FMNL2: variants seen among roughly 807,000 people sequenced by gnomAD.
The protein encoded by FMNL2 is formin like 2.
A neutral mutation model predicts 130.2 loss-of-function variants in FMNL2; 51 were observed. That is an observed-to-expected ratio of 0.39 (90% confidence interval 0.31 to 0.49). The LOEUF (loss-of-function observed/expected upper bound fraction) is 0.49, where lower values mean the gene tolerates loss of function less well. Among genes scored for constraint, FMNL2 ranks in the 20% least tolerant of loss-of-function variants. FMNL2 has a pLI of 0.85. For missense variants in FMNL2, 977 were observed against 1,316.2 expected, an observed-to-expected ratio of 0.74 and a Z score of 3.99; for synonymous variants, 465 against 467.1, an observed-to-expected ratio of 1.00 and a Z score of 0.06.
chr2:152,558,948 G>T, intron 5 of FMNL2, 125 bp downstream of exon 5: 1 of 797,812 alleles, frequency 1.3e-6, no homozygotes, highest in Non-Finnish European at 1.9e-6. Context: ...GGCTTAGGGA[G>T]GTTTGTTTCT....
chr2:152,453,950 G>A (rs1035547926), intron 1 of FMNL2, among the ~76,000 whole-genome samples: 5 of 152,160 alleles, frequency 3.3e-5, no homozygotes, highest in African/African-American at 1.2e-4. Context: ...ATTGTATTGT[G>A]GGGGAAATGA....
intron 22 of FMNL2, 97 bp downstream of exon 22, chr2:152,636,687 C>T (rs1436726578): frequency 5.1e-5 from 71 of 1,384,512 alleles, no homozygotes; most frequent in Admixed American, 2.5e-4. Context: ...TTCCATTTCC[C>T]TCTGTTTGTG....
At chr2:152,503,105 C>A (rs75443502) in intron 1 of FMNL2, among the ~76,000 whole-genome samples, 2 of 152,076 alleles carry the variant, frequency 1.3e-5, no homozygotes, top group Non-Finnish European at 1.5e-5. Flanking sequence ...TCATGACACT[C>A]GTTCAAGATG....
intron 1 of FMNL2, among the ~76,000 whole-genome samples, chr2:152,344,596 TATC>T (rs1051541774): frequency 6.6e-6 from 1 of 152,196 alleles, no homozygotes; most frequent in Non-Finnish European, 1.5e-5. Flanking sequence ...ACCACCAAAT[TATC>T]ATAATGAAAA....
chr2:152,477,340 T>C (rs1170375947), intron 1 of FMNL2, among the ~76,000 whole-genome samples: 1 of 152,204 alleles, frequency 6.6e-6, no homozygotes, highest in Non-Finnish European at 1.5e-5. Flanking sequence ...AAAGGAATAC[T>C]CCTACAAACT....
chr2:152,640,845 A>C lies in FMNL2; in HGVS notation c.3100A>C (p.Arg1034=), dbSNP rs968210493. 6.0e-5 allele frequency: 97 copies of C among 1,613,808 alleles called. No homozygotes were observed. The highest frequency in any genetic ancestry group is 4.0e-4 in the South Asian group (36 of 91,082). ...GCAAGAGTTAATTGCAGAATTAAGA[A>C]GACGACAAGTTAAAGATAACAGACA... ...QQQELIAELR[R]RQVKDNRHVY... The change falls in exon 25 of 26, where the codon AGA becomes CGA. Residue 1034 remains arginine (R), a synonymous_variant. Coordinates refer to ENST00000288670, the MANE Select transcript of FMNL2 (RefSeq NM_052905.4).
intron 9 of FMNL2, among the ~76,000 whole-genome samples, chr2:152,590,044 CAT>C (rs1196957842): frequency 4.2e-5 from 5 of 119,948 alleles, no homozygotes; most frequent in Non-Finnish European, 5.2e-5. Flanking sequence ...CATACATATA[CAT>C]ATATATATAT....
chr2:152,605,281 G>A (rs571842813), intron 9 of FMNL2, among the ~76,000 whole-genome samples: 2 of 151,964 alleles, frequency 1.3e-5, no homozygotes, highest in Admixed American at 1.3e-4. Flanking sequence ...TGTGGGACTG[G>A]TCATGTGTGT....
chr2:152,367,710 G>T (rs1488306810), intron 1 of FMNL2, among the ~76,000 whole-genome samples: 12 of 152,158 alleles, frequency 7.9e-5, no homozygotes, highest in Non-Finnish European at 1.8e-4. Flanking sequence ...GTAGTCCAAA[G>T]AAATTTTGCA....
At chr2:152,541,468 GCC>G (rs973997574) in intron 2 of FMNL2, among the ~76,000 whole-genome samples, 59 of 152,052 alleles carry the variant, frequency 3.9e-4, no homozygotes, top group African/African-American at 1.4e-3. Context: ...AGGTAGTTAA[GCC>G]CGAGAACCAG....
intron 9 of FMNL2, among the ~76,000 whole-genome samples, chr2:152,599,484 A>G (rs183510605): frequency 1.5e-4 from 19 of 129,706 alleles, no homozygotes; most frequent in African/African-American, 5.5e-4. Flanking sequence ...TGATGCGTCA[A>G]TGAGTCGTCC....
intron 9 of FMNL2, among the ~76,000 whole-genome samples, chr2:152,590,808 A>G (rs909171800): frequency 6.6e-6 from 1 of 151,856 alleles, no homozygotes; most frequent in Non-Finnish European, 1.5e-5. Flanking sequence ...GTAAAGATAT[A>G]TGTGTGCACA....
intron 1 of FMNL2, among the ~76,000 whole-genome samples, chr2:152,507,259 T>C (rs937350644): frequency 1.3e-5 from 2 of 152,256 alleles, no homozygotes; most frequent in African/African-American, 4.8e-5. Flanking sequence ...TAAACATCCA[T>C]TGTGTTTATG....
chr2:152,474,654 C>G (rs905483000), intron 1 of FMNL2, among the ~76,000 whole-genome samples: 2 of 152,088 alleles, frequency 1.3e-5, no homozygotes, highest in Non-Finnish European at 2.9e-5. Context: ...CCACTGCACT[C>G]CAGCCTGGGT....
intron 2 of FMNL2, among the ~76,000 whole-genome samples, chr2:152,542,315 G>C (rs1169015000): frequency 6.6e-6 from 1 of 152,184 alleles, no homozygotes; most frequent in African/African-American, 2.4e-5. Context: ...ATATCCAAAA[G>C]AGAAAGATTT....
chr2:152,548,107 G>C (rs1694744686), intron 3 of FMNL2, among the ~76,000 whole-genome samples: 1 of 152,160 alleles, frequency 6.6e-6, no homozygotes, highest in Admixed American at 6.5e-5. Flanking sequence ...GATTTTAACA[G>C]GCAAGGGAAT....
At chr2:152,647,261 C>A (rs1374316179) in intron 25 of FMNL2, among the ~76,000 whole-genome samples, 1 of 152,030 alleles carries the variant, frequency 6.6e-6, no homozygotes, top group Non-Finnish European at 1.5e-5. Flanking sequence ...AATTGAACAT[C>A]ATTTTGTTTA....
chr2:152,429,677 G>C (rs1215944576), intron 1 of FMNL2, among the ~76,000 whole-genome samples: 4 of 149,500 alleles, frequency 2.7e-5, no homozygotes, highest in Non-Finnish European at 4.4e-5. Flanking sequence ...CTTCAATTTT[G>C]GGGAAATGCT....
At chr2:152,580,909 C>T (rs1238361800) in intron 8 of FMNL2, 47 bp from the exon 9 acceptor site, 1 of 1,544,778 alleles carries the variant, frequency 6.5e-7, no homozygotes, top group Admixed American at 1.7e-5. Context: ...GCTGACTCAT[C>T]ATGCCATTTT....
Sources: gnomAD v4.1 joint callset for allele counts (sites outside exome capture counted in the v4.1 genomes callset) on GRCh38, gnomAD v4.1.1 for gene constraint, MANE v1.5 for transcripts, NCBI Gene and HGNC (gene_info 2026-07-23, HGNC 2026-07-21) for gene names.